The following CHRNA4 variants were observed in gnomAD, a reference collection of about 807,000 sequenced individuals.
CHRNA4 encodes the protein neuronal acetylcholine receptor subunit alpha-4.
CHRNA4 carries 28 observed loss-of-function variants against 48.9 expected under a neutral mutation model. The observed-to-expected ratio is 0.57, with a 90% confidence interval of 0.42 to 0.79. CHRNA4 has a LOEUF of 0.79. Ranked by LOEUF, CHRNA4 falls within the 30% of genes least tolerant of loss-of-function variation. CHRNA4 has a pLI of 0.00. For synonymous variants in CHRNA4, 425 were observed against 402.3 expected, an observed-to-expected ratio of 1.06 and a Z score of -0.68; for missense variants, 859 against 898.4, an observed-to-expected ratio of 0.96 and a Z score of 0.56.
rs748418729 is a variant in CHRNA4, at chr20:63,345,281, G to A, written c.*1457C>T. ...CACCCCTGGCTGGATGGGGTCTGGG[G>A]GCAGCAGAATGTGGACCACTCAGCA... On this transcript the variant is annotated 3_prime_UTR_variant, in exon 6 of 6. Coordinates refer to ENST00000370263, the MANE Select transcript of CHRNA4 (RefSeq NM_000744.7). This position sits in a 1 kb window ranked among gnomAD's most constrained non-coding sequence, Gnocchi z 5.4. 8.8e-6 allele frequency: 4 copies of A among 453,592 alleles called. No homozygotes were observed. The highest frequency in any genetic ancestry group is 1.6e-5 in the South Asian group (1 of 64,432). The allele number at this position is 453,592 out of a possible 1,614,324, so 28.1% of individuals were successfully genotyped here. A position where few individuals can be genotyped will look rare whatever the true frequency, so the allele number is the denominator to read the frequency against.
Position 63,349,911 on chromosome 20 carries a change from G to T in CHRNA4, c.1500C>A (p.Pro500=), listed in dbSNP as rs201391859. 2 of 1,595,076 alleles carry T rather than the reference G, an allele frequency of 1.3e-6. No individual in the cohort carries two copies. The highest frequency in any genetic ancestry group is 4.5e-5 in the East Asian group (2 of 44,260). ...QYCVPRDDAA[P]EADGQAAGAL... ...CGCCGGCAGCCTGGCCATCTGCCTC[G>T]GGGGCGGCATCGTCTCGGGGAACAC... Residue 500 remains proline, a synonymous_variant, in exon 5 of 6, where the codon CCC becomes CCA. Coordinates refer to ENST00000370263, the MANE Select transcript of CHRNA4 (RefSeq NM_000744.7).
At chr20:63,354,686 T>C in intron 4 of CHRNA4, 1 of 985,984 alleles carries the variant, frequency 1.0e-6, no homozygotes, top group Non-Finnish European at 1.2e-6. Flanking sequence ...GCTGCATTCC[T>C]GGAGGGCTGT....
chr20:63,347,050 G>A, intron 5 of CHRNA4, 187 bp from the exon 6 acceptor site: 1 of 786,632 alleles, frequency 1.3e-6, no homozygotes, highest in Non-Finnish European at 2.1e-6. Context: ...GGGACAGCCA[G>A]TGCTCTGCGG....
At chr20:63,355,742 GCC>G in intron 4 of CHRNA4, 1 of 785,410 alleles carries the variant, frequency 1.3e-6, no homozygotes, top group Non-Finnish European at 2.0e-6. Flanking sequence ...ACCCAGGGAT[GCC>G]CTCAGCCTCT....
chr20:63,345,691 G>C lies in CHRNA4; in HGVS notation c.*1047C>G, dbSNP rs2068480933. The C allele has an allele frequency of 2.2e-6, 1 of 453,768 alleles. No individual in the cohort carries two copies. The highest frequency in any genetic ancestry group is 7.0e-5 in the East Asian group (1 of 14,378). The allele number at this position is 453,768 out of a possible 1,614,324, so 28.1% of individuals were successfully genotyped here. On this transcript the variant is annotated 3_prime_UTR_variant, in exon 6 of 6. Coordinates refer to ENST00000370263, the MANE Select transcript of CHRNA4 (RefSeq NM_000744.7). The surrounding 1 kb of genome is among the most constrained non-coding windows in gnomAD (Gnocchi z 5.4). ...GCCCCGAGGGTCCCAGCATCTCCCA[G>C]GTGGAGGTCCTCAAGGATGCCCCCA...
In CHRNA4 at chr20:63,348,006, C is replaced by T. The variant is rs563125480; in HGVS notation, c.1759-1143G>A. On this transcript the variant is annotated intron_variant, in intron 5 of 5. Coordinates refer to ENST00000370263, the MANE Select transcript of CHRNA4 (RefSeq NM_000744.7). ...GGGGGCGGGGACGCGGCCGCCCTCT[C>T]GCCCTTTCCTATGTGCCTTTAGTTC... Among the ~76,000 whole-genome samples, 16 of 152,332 alleles carry T rather than the reference C, an allele frequency of 1.1e-4. No homozygotes were observed. In the South Asian group the frequency reaches 3.1e-3, roughly 30 times the overall value.
rs1406642502 is a variant in CHRNA4, at chr20:63,356,693, G to A, written c.229-278C>T. ...TCACAGGCTTCCCCAGCTAAGGACA[G>A]GTGTGGCGGGCATGGGGAGCCTCCT... On this transcript the variant is annotated intron_variant, in intron 2 of 5. Coordinates refer to ENST00000370263, the MANE Select transcript of CHRNA4 (RefSeq NM_000744.7). The A allele has an allele frequency of 9.1e-6, 5 of 551,792 alleles. No homozygotes were observed. In the East Asian group the frequency reaches 1.2e-4, roughly 14 times the overall value. The allele number at this position is 551,792 out of a possible 1,614,324, so 34.2% of individuals were successfully genotyped here. A position where few individuals can be genotyped will look rare whatever the true frequency, so the allele number is the denominator to read the frequency against.
intron 4 of CHRNA4, chr20:63,355,708 C>T (rs1418691873): frequency 2.1e-5 from 18 of 852,128 alleles, no homozygotes; most frequent in African/African-American, 3.4e-5. Context: ...CAGGCCCCTC[C>T]GGCTCTGACG....
chr20:63,355,199 G>C (rs1488188162), intron 4 of CHRNA4, among the ~76,000 whole-genome samples: 1 of 152,170 alleles, frequency 6.6e-6, no homozygotes, highest in Non-Finnish European at 1.5e-5. Context: ...GCTGGCTGCC[G>C]GGCGCAGGGC....
In CHRNA4 at chr20:63,350,139, T is replaced by G. The variant is rs1601473530; in HGVS notation, c.1272A>C (p.Ser424=). The change falls in exon 5 of 6, where the codon TCA becomes TCC. Residue 424 remains serine, a synonymous_variant. Transcript: ENST00000370263. ...VPAEPGPSCK[S]PSDQLPPQQP... ...GCTGAGGAGGGAGCTGGTCGGAGGG[T>G]GACTTGCAGGAAGGCCCAGGCTCAG... 1 of 1,564,346 alleles carries G rather than the reference T, an allele frequency of 6.4e-7. No homozygotes were observed. Among genetic ancestry groups the G allele is most frequent in the Non-Finnish European group, 8.7e-7 (1 of 1,152,532 alleles).
At chr20:63,359,021 C>A (rs1028116309) in intron 2 of CHRNA4, among the ~76,000 whole-genome samples, 1 of 147,606 alleles carries the variant, frequency 6.8e-6, no homozygotes, top group Non-Finnish European at 1.5e-5. Context: ...CTCCCAGCAG[C>A]CTTCTTGGGC....
chr20:63,355,992 G>A lies in CHRNA4; in HGVS notation c.366C>T (p.Asp122=), dbSNP rs1432845424. ...RIPSELIWRP[D]IVLYNNADGD... ...GGACTCACTTGTTGTAGAGGACGAT[G>A]TCCGGCCGCCAGATGAGCTCGGAGG... The change falls in exon 4 of 6, where the codon GAC becomes GAT. Residue 122 remains aspartate, a synonymous_variant. Transcript: ENST00000370263. The A allele has an allele frequency of 1.9e-6, 3 of 1,612,062 alleles. No individual in the cohort carries two copies. The highest frequency in any genetic ancestry group is 2.2e-5 in the East Asian group (1 of 44,810).
At chr20:63,347,196 G>C (rs368783206) in intron 5 of CHRNA4, among the ~76,000 whole-genome samples, 2 of 152,220 alleles carry the variant, frequency 1.3e-5, no homozygotes, top group Non-Finnish European at 2.9e-5. Flanking sequence ...CCTGTGCTCC[G>C]GGAAGGGGGC....
At chr20:63,359,406 G>T in intron 2 of CHRNA4, 142 bp downstream of exon 2, 2 of 1,078,768 alleles carry the variant, frequency 1.9e-6, no homozygotes, top group Non-Finnish European at 2.7e-6. Flanking sequence ...GCTGGTGGCT[G>T]TCGTTCTGAC....
chr20:63,345,966 G>T lies in CHRNA4; in HGVS notation c.*772C>A, dbSNP rs45607838. 0.021 allele frequency: 9,663 copies of T among 454,046 alleles called. 143 individuals carry two copies. Among genetic ancestry groups the T allele is most frequent in the Middle Eastern group, 0.037 (54 of 1,444 alleles). The allele number at this position is 454,046 out of a possible 1,614,324, so 28.1% of individuals were successfully genotyped here. On this transcript the variant is annotated 3_prime_UTR_variant, in exon 6 of 6. Coordinates refer to ENST00000370263, the MANE Select transcript of CHRNA4 (RefSeq NM_000744.7). This position sits in a 1 kb window ranked among gnomAD's most constrained non-coding sequence, Gnocchi z 5.4. Reference sequence around the variant, plus strand: ...AGAGCCCTGGCCCTACGCCTGGAAGGCAGAGTCCTGGTCTCCAGACTCGCT... The same window carrying T: ...AGAGCCCTGGCCCTACGCCTGGAAGTCAGAGTCCTGGTCTCCAGACTCGCT...
intron 5 of CHRNA4, chr20:63,349,382 C>G (rs2068545400): frequency 3.5e-6 from 2 of 574,672 alleles, no homozygotes; most frequent in East Asian, 5.8e-5. Context: ...ACCGTGCCGT[C>G]CGCCGAGGCC....
At chr20:63,351,897 G>A (rs1739124032) in intron 4 of CHRNA4, among the ~76,000 whole-genome samples, 1 of 152,222 alleles carries the variant, frequency 6.6e-6, no homozygotes, top group African/African-American at 2.4e-5. Flanking sequence ...GGCTGGCTGG[G>A]TGGGACGCAC....
rs200305150 is a variant in CHRNA4, at chr20:63,345,761, C to T, written c.*977G>A. 6 of 445,608 alleles carry T rather than the reference C, an allele frequency of 1.3e-5. No individual in the cohort carries two copies. Among genetic ancestry groups the T allele is most frequent in the African/African-American group, 1.0e-4 (5 of 49,870 alleles). 27.6% of individuals were successfully genotyped at this position (445,608 alleles called of 1,614,324 possible). On this transcript the variant is annotated 3_prime_UTR_variant, in exon 6 of 6. Transcript: ENST00000370263. This position sits in a 1 kb window ranked among gnomAD's most constrained non-coding sequence, Gnocchi z 5.4. Reference sequence around the variant, plus strand: ...GTAGCAGGAAGTCCTTCTTCCCGAACCCAGAGCCCAGGGCGGATCTCCCGG... The same window carrying T: ...GTAGCAGGAAGTCCTTCTTCCCGAATCCAGAGCCCAGGGCGGATCTCCCGG...
chr20:63,359,871 G>GTGTGTGTGTGTGCCGGGCGTGCGC, intron 1 of CHRNA4, 172 bp from the exon 2 acceptor site: 2 of 511,658 alleles, frequency 3.9e-6, no homozygotes, highest in African/African-American at 2.5e-5. Context: ...CGTGCGCTCT[G>GTGTGTGTGTGTGCCGGGCGTGCGC]TGTGTGTGTG....
Sources: gnomAD v4.1 joint callset for allele counts (sites outside exome capture counted in the v4.1 genomes callset) on GRCh38, gnomAD v4.1.1 for gene constraint, Gnocchi (gnomAD v3.1) non-coding constraint, MANE v1.5 for transcripts, NCBI Gene and HGNC (gene_info 2026-07-23, HGNC 2026-07-21) for gene names.